The following KIF13B variants were observed in gnomAD, a reference collection of about 807,000 sequenced individuals.
KIF13B encodes kinesin family member 13B.
A neutral mutation model predicts 222.0 loss-of-function variants in KIF13B; 127 were observed. The ratio of observed to expected loss-of-function variants is 0.57; its 90% CI spans 0.50 to 0.66. The LOEUF (loss-of-function observed/expected upper bound fraction) is 0.66, where lower values mean the gene tolerates loss of function less well. Among genes scored for constraint, KIF13B ranks in the 30% least tolerant of loss-of-function variants. The pLI is 0.00. For missense variants in KIF13B, 2,173 were observed against 2,379.0 expected, an observed-to-expected ratio of 0.91 and a Z score of 1.80; for synonymous variants, 976 against 919.0, an observed-to-expected ratio of 1.06 and a Z score of -1.12.
At chr8:29,204,342 A>C (rs1203516742) in intron 2 of KIF13B, among the ~76,000 whole-genome samples, 1 of 152,132 alleles carries the variant, frequency 6.6e-6, no homozygotes, top group African/African-American at 2.4e-5. Flanking sequence ...AATCACTTGC[A>C]AATCACTTGT....
chr8:29,139,082 G>C (rs185828006), intron 21 of KIF13B, among the ~76,000 whole-genome samples: 27 of 152,272 alleles, frequency 1.8e-4, no homozygotes, highest in African/African-American at 6.0e-4. Flanking sequence ...TGAATGAAAC[G>C]AGGTTGACCA....
intron 2 of KIF13B, chr8:29,218,973 G>A (rs949467042): frequency 5.9e-5 from 9 of 152,248 alleles, no homozygotes; most frequent in African/African-American, 1.4e-4. Flanking sequence ...GGCAGCCAGA[G>A]GCTTCAGTCA....
intron 35 of KIF13B, among the ~76,000 whole-genome samples, chr8:29,103,253 A>C (rs561225382): frequency 6.6e-6 from 1 of 152,038 alleles, no homozygotes; most frequent in African/African-American, 2.4e-5. Context: ...AAAAAAAAAA[A>C]AAAAAACAAG....
At chr8:29,261,978 C>CT (rs1816696401) in intron 1 of KIF13B, among the ~76,000 whole-genome samples, 1 of 152,216 alleles carries the variant, frequency 6.6e-6, no homozygotes, top group Admixed American at 6.5e-5. Context: ...GAAGCTACAA[C>CT]TTTGTCTCTG....
At chr8:29,209,768 T>C (rs1365823196) in intron 2 of KIF13B, among the ~76,000 whole-genome samples, 1 of 151,920 alleles carries the variant, frequency 6.6e-6, no homozygotes, top group African/African-American at 2.4e-5. Context: ...TAAAGGATCA[T>C]TGGCTGAATG....
At chr8:29,148,867 T>G in intron 15 of KIF13B, 100 bp from the exon 16 acceptor site, 1 of 899,006 alleles carries the variant, frequency 1.1e-6, no homozygotes, top group East Asian at 2.5e-5. Flanking sequence ...GTGGATACCA[T>G]GTAAGTACAA....
chr8:29,148,956 A>G (rs1229763361), intron 15 of KIF13B, among the ~76,000 whole-genome samples, 189 bp from the exon 16 acceptor site: 2 of 152,226 alleles, frequency 1.3e-5, no homozygotes, highest in Non-Finnish European at 2.9e-5. Context: ...CTTACAACAG[A>G]AAGTATGACA....
intron 38 of KIF13B, among the ~76,000 whole-genome samples, chr8:29,074,615 G>A (rs764540018): frequency 2.8e-4 from 43 of 152,344 alleles, no homozygotes; most frequent in African/African-American, 2.2e-4. Flanking sequence ...AGAAGAGACC[G>A]GCACCATTCC....
In KIF13B at chr8:29,107,649, C is replaced by T. The variant is rs1369576928; in HGVS notation, c.4215+490G>A. ...ATTTTGGCTCACTGCAGGCTCCGCC[C>T]CCCGGGGTTCACACCATTCTCCTGC... On this transcript the variant is annotated intron_variant, in intron 35 of 39. Transcript: ENST00000524189. Among the ~76,000 whole-genome samples the T allele has an allele frequency of 2.0e-5, 3 of 151,832 alleles. No homozygotes were observed. The South Asian group carries it at 6.3e-4, about 32-fold the overall frequency.
At chr8:29,082,816 A>G (rs182171633) in intron 37 of KIF13B, among the ~76,000 whole-genome samples, 111 of 152,332 alleles carry the variant, frequency 7.3e-4, no homozygotes, top group African/African-American at 2.6e-3. Flanking sequence ...AATGTTTGCT[A>G]ATCTGAAAAC....
chr8:29,124,001 A>AAT (rs1563721219), intron 27 of KIF13B, 23 bp downstream of exon 27: 2 of 1,452,564 alleles, frequency 1.4e-6, no homozygotes, highest in Non-Finnish European at 1.9e-6. Context: ...AGGGGAGAAA[A>AAT]ATATTCTATT....
intron 4 of KIF13B, 51 bp from the exon 5 acceptor site, chr8:29,188,658 G>T: frequency 1.7e-6 from 2 of 1,152,020 alleles, no homozygotes; most frequent in Non-Finnish European, 2.5e-6. Context: ...AACTACATAT[G>T]AACAATTCAC....
chr8:29,183,862 T>C (rs1402902653), intron 6 of KIF13B, among the ~76,000 whole-genome samples: 2 of 152,148 alleles, frequency 1.3e-5, no homozygotes, highest in East Asian at 3.9e-4. Flanking sequence ...AGAACACATA[T>C]AATGAATGAC....
chr8:29,157,799 C>T (rs1050227832), intron 13 of KIF13B, among the ~76,000 whole-genome samples: 1 of 149,998 alleles, frequency 6.7e-6, no homozygotes, highest in African/African-American at 2.5e-5. Context: ...CCACTGCACT[C>T]TCACCTGGGT....
chr8:29,184,852 G>C (rs1487014981), intron 6 of KIF13B, among the ~76,000 whole-genome samples: 3 of 152,144 alleles, frequency 2.0e-5, no homozygotes, highest in South Asian at 4.1e-4. Context: ...CCAAGAAAAA[G>C]TGTTCAAGGC....
chr8:29,072,994 G>A (rs1289453448), intron 38 of KIF13B, among the ~76,000 whole-genome samples: 1 of 151,858 alleles, frequency 6.6e-6, no homozygotes, highest in Non-Finnish European at 1.5e-5. Flanking sequence ...AGCACAGCCT[G>A]GCCAGCTCAG....
Position 29,070,262 on chromosome 8 carries a change from C to G in KIF13B, c.*242G>C. 1.8e-6 allele frequency: 1 copy of G among 565,474 alleles called. No homozygotes were observed. The highest frequency in any genetic ancestry group is 3.1e-6 in the Non-Finnish European group (1 of 320,836). The allele number at this position is 565,474 out of a possible 1,614,324, so 35.0% of individuals were successfully genotyped here. A position where few individuals can be genotyped will look rare whatever the true frequency, so the allele number is the denominator to read the frequency against. ...CAGTCCTAGCATCCCCCAGCCCCTG[C>G]GGGCACCCAGAACCTTCCATCCACC... On this transcript the variant is annotated 3_prime_UTR_variant, in exon 40 of 40. Coordinates refer to ENST00000524189, the MANE Select transcript of KIF13B (RefSeq NM_015254.4). This position sits in a 1 kb window ranked among gnomAD's most constrained non-coding sequence, Gnocchi z 4.1.
chr8:29,263,128 G>GA (rs1160023801), upstream of KIF13B: 2 of 1,075,902 alleles, frequency 1.9e-6, no homozygotes, highest in African/African-American at 3.3e-5. Flanking sequence ...CGGGGGCGGA[G>GA]CCGGGGGTGG....
At chr8:29,131,305 G>A (rs151213433) in intron 23 of KIF13B, among the ~76,000 whole-genome samples, 1,531 of 149,508 alleles carry the variant, frequency 0.01, 15 homozygotes, top group African/African-American at 0.022. Context: ...ACCTGCACAT[G>A]TACCCCCAAA....
Sources: allele counts gnomAD v4.1 joint callset (sites outside exome capture counted in the v4.1 genomes callset), GRCh38; gene constraint gnomAD v4.1.1; non-coding constraint Gnocchi (gnomAD v3.1); transcripts MANE v1.5; gene names NCBI Gene and HGNC (gene_info 2026-07-23, HGNC 2026-07-21).